SDK2: variants seen among roughly 807,000 people sequenced by gnomAD.
SDK2 encodes protein sidekick-2.
SDK2 carries 105 observed loss-of-function variants against 253.9 expected under a neutral mutation model. The observed-to-expected ratio is 0.41, with a 90% CI of 0.35 to 0.49. The LOEUF is 0.49. SDK2 is among the 20% of genes least tolerant of loss of function. SDK2 has a pLI of 0.06. For synonymous variants in SDK2, 1,249 were observed against 1,234.9 expected (o/e 1.01, Z -0.24); for missense variants, 2,608 against 3,003.0 (o/e 0.87, Z 3.07).
intron 4 of SDK2, among the ~76,000 whole-genome samples, chr17:73,451,299 G>T (rs1005817856): frequency 6.6e-6 from 1 of 152,206 alleles, no homozygotes; most frequent in Non-Finnish European, 1.5e-5. Context: ...CTGAGGTCAA[G>T]AGTTCAAGAC....
intron 2 of SDK2, among the ~76,000 whole-genome samples, chr17:73,472,779 A>AT (rs769362649): frequency 1.8e-4 from 27 of 152,196 alleles, no homozygotes; most frequent in Non-Finnish European, 2.8e-4. Flanking sequence ...GTGGGAGATA[A>AT]TTGAATCATG....
At chr17:73,412,815 G>A (rs911921730) in intron 18 of SDK2, among the ~76,000 whole-genome samples, 1 of 152,134 alleles carries the variant, frequency 6.6e-6, no homozygotes, top group Admixed American at 6.5e-5. Context: ...CTACTCGGGA[G>A]GCTGAGGCAA....
intron 32 of SDK2, 46 bp from the exon 33 acceptor site, chr17:73,384,057 C>T (rs749555855): frequency 6.3e-7 from 1 of 1,584,492 alleles, no homozygotes; most frequent in Admixed American, 1.8e-5. Context: ...GGACCACCAC[C>T]CACCCCTCCC....
intron 1 of SDK2, among the ~76,000 whole-genome samples, chr17:73,535,923 G>A (rs1054352301): frequency 1.3e-5 from 2 of 152,016 alleles, no homozygotes; most frequent in South Asian, 2.1e-4. Flanking sequence ...TAAGGACCAC[G>A]CCCACCCACC....
intron 44 of SDK2, among the ~76,000 whole-genome samples, chr17:73,347,335 A>C (rs2062493276): frequency 6.6e-6 from 1 of 152,186 alleles, no homozygotes; most frequent in African/African-American, 2.4e-5. Flanking sequence ...ACTCCAGAGC[A>C]AGACCCTGGC....
intron 14 of SDK2, among the ~76,000 whole-genome samples, 169 bp downstream of exon 14, chr17:73,423,217 G>A (rs1377194604): frequency 6.6e-6 from 1 of 152,186 alleles, no homozygotes; most frequent in Non-Finnish European, 1.5e-5. Context: ...GGGCCTGACA[G>A]GCAGATGCCT....
chr17:73,537,113 G>A (rs926064119), intron 1 of SDK2, among the ~76,000 whole-genome samples: 7 of 152,180 alleles, frequency 4.6e-5, no homozygotes, highest in African/African-American at 1.4e-4. Context: ...ATGTGCGTGC[G>A]TGCGTGTGCG....
At chr17:73,599,300 AG>A (rs1461516006) in intron 1 of SDK2, among the ~76,000 whole-genome samples, 1 of 152,044 alleles carries the variant, frequency 6.6e-6, no homozygotes, top group Non-Finnish European at 1.5e-5. Flanking sequence ...GGGAGGCCGA[AG>A]GGGGTGGATC....
At chr17:73,412,162 G>GTATATGCA (rs2063143920) in intron 18 of SDK2, among the ~76,000 whole-genome samples, 1 of 142,550 alleles carries the variant, frequency 7.0e-6, no homozygotes, top group Non-Finnish European at 1.5e-5. Context: ...ACGTATATAT[G>GTATATGCA]TATATACACA....
rs150858732 is a variant in SDK2 at position 73,390,411 on chromosome 17, G to A, written c.4068C>T (p.Ser1356=). The part of the protein sequence containing the change: ...NTATVEVLAP[S]ARQYTATGLK... ...GGCCCGTGGCTGTGTACTGCCGGGC[G>A]CTGGGTGCCAGCACCTCCACAGTGG... The change falls in exon 29 of 45, where the codon AGC becomes AGT. Residue 1356 remains serine, a synonymous_variant. Transcript: ENST00000392650. 5.0e-4 allele frequency: 814 copies of A among 1,612,640 alleles called. 1 individual carries two copies. Among genetic ancestry groups the A allele is most frequent in the Non-Finnish European group, 6.5e-4 (770 of 1,179,558 alleles).
At chr17:73,525,980 G>A (rs531088648) in intron 1 of SDK2, among the ~76,000 whole-genome samples, 7 of 152,264 alleles carry the variant, frequency 4.6e-5, no homozygotes, top group Non-Finnish European at 8.8e-5. Context: ...GGCTCACAGG[G>A]GAGATGGATG....
intron 20 of SDK2, among the ~76,000 whole-genome samples, chr17:73,401,450 T>A (rs965986341): frequency 3.3e-5 from 5 of 152,040 alleles, no homozygotes; most frequent in Admixed American, 6.6e-5. Flanking sequence ...GCCACTGAGA[T>A]CTGTGGCAGA....
chr17:73,388,502 C>G (rs1314416764), intron 29 of SDK2, among the ~76,000 whole-genome samples: 1 of 152,178 alleles, frequency 6.6e-6, no homozygotes, highest in East Asian at 1.9e-4. Flanking sequence ...CTTCTCAAAC[C>G]TCAGCAGTAC....
intron 4 of SDK2, among the ~76,000 whole-genome samples, chr17:73,449,754 C>G (rs1002901677): frequency 6.6e-6 from 1 of 151,938 alleles, no homozygotes; most frequent in Non-Finnish European, 1.5e-5. Flanking sequence ...AACCCTGTCT[C>G]TACTAAAAAT....
chr17:73,338,207 A>G lies in SDK2; in HGVS notation c.*380T>C, dbSNP rs1252391015. 1 of 364,610 alleles carries G rather than the reference A, an allele frequency of 2.7e-6. No individual in the cohort carries two copies. The highest frequency in any genetic ancestry group is 3.8e-5 in the Admixed American group (1 of 26,286). 22.6% of individuals were successfully genotyped at this position (364,610 alleles called of 1,614,324 possible). A position where few individuals can be genotyped will look rare whatever the true frequency, so the allele number is the denominator to read the frequency against. ...AGGGGGCAGCTGGCTGGACATCCAGAAGCTTTTTCTTCCCTCGGCCACGCC... is the reference window on the plus strand; with the variant it reads ...AGGGGGCAGCTGGCTGGACATCCAGGAGCTTTTTCTTCCCTCGGCCACGCC... On this transcript the variant is annotated 3_prime_UTR_variant, in exon 45 of 45. Transcript: ENST00000392650. The surrounding 1 kb of genome is among the most constrained non-coding windows in gnomAD (Gnocchi z 5.0).
chr17:73,425,176 T>C (rs2063270510), intron 12 of SDK2, among the ~76,000 whole-genome samples: 1 of 151,906 alleles, frequency 6.6e-6, no homozygotes, highest in African/African-American at 2.4e-5. Context: ...GCCGAGATGG[T>C]GCCACTGCAC....
rs1316670672 is a variant in SDK2 at position 73,616,796 on chromosome 17, T to G, written c.64+27229A>C. On this transcript the variant is annotated intron_variant, in intron 1 of 44. Transcript: ENST00000392650. This position sits in a 1 kb window ranked among gnomAD's most constrained non-coding sequence, Gnocchi z 5.2. ...GCTGCAGGCACTGCACTGTGCGCAT[T>G]CCCACCATGAGATGCCTGGGGAAGG... Among the ~76,000 whole-genome samples the G allele has an allele frequency of 6.6e-6, 1 of 152,068 alleles. No homozygotes were observed. The highest frequency in any genetic ancestry group is 1.5e-5 in the Non-Finnish European group (1 of 68,010).
Position 73,399,334 on chromosome 17 carries a change from G to GC in SDK2, c.2972-46dup, listed in dbSNP as rs774074926. 3.7e-5 allele frequency: 60 copies of GC among 1,609,842 alleles called. No homozygotes were observed. In the African/African-American group the frequency reaches 3.9e-4, roughly 10 times the overall value. The stretch of plus-strand genomic sequence containing the variant: ...TGGGGAAGGAGATCCGGTGAGAATG[G>GC]CCCCCCATGTTGAACGGGACTGTTG... On this transcript the variant is annotated intron_variant, in intron 21 of 44. Coordinates refer to ENST00000392650, the MANE Select transcript of SDK2 (RefSeq NM_001144952.2).
intron 1 of SDK2, among the ~76,000 whole-genome samples, chr17:73,590,998 C>T (rs146959052): frequency 1.3e-5 from 2 of 152,308 alleles, no homozygotes; most frequent in East Asian, 1.9e-4. Context: ...CGGCTCACTG[C>T]AACCTCCACC....
Sources: gnomAD v4.1 joint callset for allele counts (sites outside exome capture counted in the v4.1 genomes callset) on GRCh38, gnomAD v4.1.1 for gene constraint, Gnocchi (gnomAD v3.1) non-coding constraint, MANE v1.5 for transcripts, NCBI Gene and HGNC (gene_info 2026-07-23, HGNC 2026-07-21) for gene names.